UBE4A: variants seen among roughly 807,000 people sequenced by gnomAD.
UBE4A encodes ubiquitin conjugation factor E4 A.
In UBE4A, 48 loss-of-function variants were observed where a neutral mutation model predicts 117.9. The ratio of observed to expected loss-of-function variants is 0.41; its 90% CI spans 0.32 to 0.52. The LOEUF (loss-of-function observed/expected upper bound fraction) is 0.52, where lower values mean the gene tolerates loss of function less well. Ranked by LOEUF, UBE4A falls within the 20% of genes least tolerant of loss-of-function variation. The probability of loss-of-function intolerance (pLI) is 0.33; values close to 1 mark genes in which losing one functional copy is unlikely to be tolerated. For missense variants in UBE4A, 1,067 were observed against 1,296.3 expected (o/e 0.82, Z 2.72); for synonymous variants, 407 against 450.0 (o/e 0.90, Z 1.21).
intron 18 of UBE4A, among the ~76,000 whole-genome samples, chr11:118,391,458 G>A (rs1555128454): frequency 6.6e-6 from 1 of 151,310 alleles, no homozygotes; most frequent in African/African-American, 2.4e-5. Flanking sequence ...ACTCCAGCCT[G>A]GGCAACAGAG....
At chr11:118,360,551 T>G (rs1948512308) in intron 1 of UBE4A, among the ~76,000 whole-genome samples, 1 of 152,260 alleles carries the variant, frequency 6.6e-6, no homozygotes, top group Non-Finnish European at 1.5e-5. Context: ...TATATTGATA[T>G]ATGTATTATT....
At chr11:118,393,391 T>C (rs782731069) in intron 19 of UBE4A, among the ~76,000 whole-genome samples, 1 of 152,012 alleles carries the variant, frequency 6.6e-6, no homozygotes, top group Non-Finnish European at 1.5e-5. Flanking sequence ...CACTCCAGCC[T>C]GGGCTCAGGT....
At chr11:118,392,625 G>T in intron 18 of UBE4A, 113 bp from the exon 19 acceptor site, 3 of 1,009,432 alleles carry the variant, frequency 3.0e-6, no homozygotes, top group Non-Finnish European at 2.9e-6. Context: ...ACTGTCAAGG[G>T]TTATTAATGA....
At chr11:118,382,036 G>T (rs1041805022) in intron 12 of UBE4A, among the ~76,000 whole-genome samples, 4 of 152,080 alleles carry the variant, frequency 2.6e-5, no homozygotes, top group African/African-American at 7.2e-5. Flanking sequence ...TGGAAACTCT[G>T]TGTACAAAAG....
Position 118,398,037 on chromosome 11 carries a change from T to C in UBE4A, c.*1597T>C, listed in dbSNP as rs1477344808. ...ATGGGTTGACAGGATTTGTTTATTTTCTAAAATTAGCTTCATTCAATATTT... is the reference window on the plus strand; with the variant it reads ...ATGGGTTGACAGGATTTGTTTATTTCCTAAAATTAGCTTCATTCAATATTT... On this transcript the variant is annotated 3_prime_UTR_variant, in exon 20 of 20. Transcript: ENST00000252108. 2 of 152,690 alleles carry C rather than the reference T, an allele frequency of 1.3e-5. No individual in the cohort carries two copies. The highest frequency in any genetic ancestry group is 4.8e-5 in the African/African-American group (2 of 41,466). 9.5% of individuals were successfully genotyped at this position (152,690 alleles called of 1,614,324 possible). A position where few individuals can be genotyped will look rare whatever the true frequency, so the allele number is the denominator to read the frequency against.
At position 118,384,718 on chromosome 11, in the gene UBE4A, T is replaced by C; in HGVS notation, c.2281T>C (p.Tyr761His). The change falls in exon 14 of 20, where the codon TAT (tyrosine) becomes CAT (histidine). Residue 761 changes from tyrosine (Y) to histidine (H), a missense_variant. This residue lies in a region of UBE4A where 1,001 missense variants were observed against 1,184.0 expected (regional missense o/e 0.85). Coordinates refer to ENST00000252108, the MANE Select transcript of UBE4A (RefSeq NM_001204077.2). ...ILRYMWGTDT[Y>H]RESIKDLADY... Reference sequence around the variant, plus strand: ...AAGATACATGTGGGGGACAGATACCTATCGGGAGAGCATTAAGGTGAGAGA... The same window carrying C: ...AAGATACATGTGGGGGACAGATACCCATCGGGAGAGCATTAAGGTGAGAGA... 6.2e-7 allele frequency: 1 copy of C among 1,613,996 alleles called. No homozygotes were observed. The highest frequency in any genetic ancestry group is 8.5e-7 in the Non-Finnish European group (1 of 1,179,948).
chr11:118,395,331 G>GAAAA (rs34524305), intron 19 of UBE4A, among the ~76,000 whole-genome samples: 1 of 97,982 alleles, frequency 1.0e-5, no homozygotes, highest in Admixed American at 1.1e-4. Flanking sequence ...CTCCATCTCA[G>GAAAA]AAAAAAAAAA....
intron 19 of UBE4A, among the ~76,000 whole-genome samples, chr11:118,395,717 A>T (rs1489920697): frequency 2.6e-5 from 4 of 152,248 alleles, no homozygotes; most frequent in African/African-American, 9.6e-5. Flanking sequence ...TGACAGAAGC[A>T]TAGCATTTTT....
chr11:118,390,329 T>A (rs1363919350), intron 17 of UBE4A, among the ~76,000 whole-genome samples: 1 of 149,558 alleles, frequency 6.7e-6, no homozygotes, highest in Non-Finnish European at 1.5e-5. Flanking sequence ...TTGATAGACT[T>A]CCTAGAAAGT....
Position 118,374,952 on chromosome 11 carries a change from C to T in UBE4A, c.1173C>T (p.Leu391=). The T allele has an allele frequency of 6.3e-7, 1 of 1,579,236 alleles. No individual in the cohort carries two copies. Among genetic ancestry groups the T allele is most frequent in the East Asian group, 2.2e-5 (1 of 44,514 alleles). ...IYQMLKNLLQ[L]SPETKHCILS... ...AGATGCTGAAGAACTTACTCCAGCT[C>T]TCTCCAGAAACCAAACACTGTATCT... The change falls in exon 9 of 20, where the codon CTC becomes CTT. Residue 391 remains leucine, a synonymous_variant. Transcript: ENST00000252108.
Position 118,392,773 on chromosome 11 carries a change from C to T in UBE4A, c.2952C>T (p.Thr984=). 1 of 1,614,068 alleles carries T rather than the reference C, an allele frequency of 6.2e-7. No individual in the cohort carries two copies. Among genetic ancestry groups the T allele is most frequent in the South Asian group, 1.1e-5 (1 of 91,076 alleles). ...LADLQQQEEE[T]YADACDEFLD... is the part of the protein sequence containing the mutation. ...ACCTCCAACAACAGGAAGAGGAAAC[C>T]TATGCAGATGCCTGTGATGAGTTCC... Residue 984 remains threonine, a synonymous_variant, in exon 19 of 20, where the codon ACC becomes ACT. Transcript: ENST00000252108.
chr11:118,384,803 A>C (rs1251117148), intron 14 of UBE4A, 29 bp from the exon 15 acceptor site: 2 of 1,612,264 alleles, frequency 1.2e-6, no homozygotes, highest in Non-Finnish European at 1.7e-6. Flanking sequence ...CAGTACTAAA[A>C]TGGTTTTCTT....
chr11:118,391,520 C>T (rs572004147), intron 18 of UBE4A, among the ~76,000 whole-genome samples: 10 of 148,938 alleles, frequency 6.7e-5, no homozygotes, highest in African/African-American at 2.2e-4. Flanking sequence ...AAGGGCCAGG[C>T]GCGGTGGCTC....
chr11:118,393,149 G>T (rs1948835061), intron 19 of UBE4A, among the ~76,000 whole-genome samples: 1 of 152,146 alleles, frequency 6.6e-6, no homozygotes. Context: ...GGGTGCAGTG[G>T]CTCATGCCTG....
Position 118,392,833 on chromosome 11 carries a change from T to C in UBE4A, c.3012T>C (p.Pro1004=). 6.2e-7 allele frequency: 1 copy of C among 1,614,174 alleles called. No individual in the cohort carries two copies. Among genetic ancestry groups the C allele is most frequent in the Non-Finnish European group, 8.5e-7 (1 of 1,180,024 alleles). Reference sequence around the variant, plus strand: ...TTATGAGCACACTGATGTGTGACCCTGTGGTGCTGCCATCTTCCAGAGTCA... The same window carrying C: ...TTATGAGCACACTGATGTGTGACCCCGTGGTGCTGCCATCTTCCAGAGTCA... ...DPIMSTLMCD[P]VVLPSSRVTV... Residue 1004 remains proline (P), a synonymous_variant, in exon 19 of 20, where the codon CCT becomes CCC. Coordinates refer to ENST00000252108, the MANE Select transcript of UBE4A (RefSeq NM_001204077.2).
In UBE4A at chr11:118,390,674, G is replaced by A; in HGVS notation, c.2786G>A (p.Cys929Tyr). ...TGTTCCAGGGATGAGGAGAATTTCT[G>A]TGCCACTGTGCCCAAGGATGGACGT... Reference protein sequence around the residue: ...YLNLGDEENFCATVPKDGRSY... With the variant: ...YLNLGDEENFYATVPKDGRSY... Residue 929 changes from cysteine (C) to tyrosine (Y), a missense_variant, in exon 18 of 20, where the codon TGT becomes TAT. By Grantham distance (194) the Cys-to-Tyr change is radical. This residue lies in a region of UBE4A where 1,001 missense variants were observed against 1,184.0 expected (regional missense o/e 0.85). Coordinates refer to ENST00000252108, the MANE Select transcript of UBE4A (RefSeq NM_001204077.2). 6.6e-7 allele frequency: 1 copy of A among 1,522,232 alleles called. No individual in the cohort carries two copies. Among genetic ancestry groups the A allele is most frequent in the South Asian group, 1.3e-5 (1 of 77,070 alleles). 94.3% of individuals were successfully genotyped at this position (1,522,232 alleles called of 1,614,324 possible).
At chr11:118,383,831 C>T (rs188741066) in intron 13 of UBE4A, among the ~76,000 whole-genome samples, 20 of 152,030 alleles carry the variant, frequency 1.3e-4, no homozygotes, top group Admixed American at 5.9e-4. Flanking sequence ...TTTTTTAATT[C>T]GCTCACCTAT....
At position 118,396,443 on chromosome 11, in the gene UBE4A, A is replaced by G; in HGVS notation, c.*3A>G. 2 of 1,612,886 alleles carry G rather than the reference A, an allele frequency of 1.2e-6. No individual in the cohort carries two copies. The highest frequency in any genetic ancestry group is 1.7e-6 in the Non-Finnish European group (2 of 1,179,418). On this transcript the variant is annotated 3_prime_UTR_variant, in exon 20 of 20. Transcript: ENST00000252108. ...AACAAAAGGAGCAACTTGAATAGAT[A>G]CTGTGAACTAACCAAACCAAAACCA...
At chr11:118,383,361 A>G (rs1287989648) in intron 13 of UBE4A, among the ~76,000 whole-genome samples, 1 of 152,094 alleles carries the variant, frequency 6.6e-6, no homozygotes, top group African/African-American at 2.4e-5. Context: ...TGGGAGGCCA[A>G]AGTAGGCAGA....
Sources: allele counts gnomAD v4.1 joint callset (sites outside exome capture counted in the v4.1 genomes callset), GRCh38; gene constraint gnomAD v4.1.1; regional missense constraint gnomAD v4.1.1; transcripts MANE v1.5; gene names NCBI Gene and HGNC (gene_info 2026-07-23, HGNC 2026-07-21).